The following ZNF385D variants were observed in gnomAD, a reference collection of about 807,000 sequenced individuals.
ZNF385D encodes the protein zinc finger protein 659.
A neutral mutation model predicts 35.8 loss-of-function variants in ZNF385D; 15 were observed. That is an observed-to-expected ratio of 0.42 (90% CI 0.28 to 0.64). The LOEUF is 0.64. Among genes scored for constraint, ZNF385D ranks in the 30% least tolerant of loss-of-function variants. The pLI, the probability that ZNF385D is intolerant of heterozygous loss-of-function variation, is 0.23. For missense variants in ZNF385D, 474 were observed against 494.6 expected (o/e 0.96, Z 0.39); for synonymous variants, 212 against 186.8 (o/e 1.13, Z -1.10).
intron 4 of ZNF385D, among the ~76,000 whole-genome samples, chr3:21,471,282 C>T (rs982338234): frequency 4.2e-5 from 1 of 23,744 alleles, no homozygotes; most frequent in African/African-American, 1.2e-4. Context: ...CTTTCTCTCT[C>T]TCTCTCTCTC....
chr3:21,665,377 T>C (rs1370607199), intron 1 of ZNF385D, among the ~76,000 whole-genome samples: 2 of 152,112 alleles, frequency 1.3e-5, no homozygotes, highest in Admixed American at 6.5e-5. Context: ...CCCTCCATCA[T>C]GCACCCATCC....
At chr3:21,591,185 A>C (rs532847183) in intron 2 of ZNF385D, among the ~76,000 whole-genome samples, 2 of 152,282 alleles carry the variant, frequency 1.3e-5, no homozygotes, top group Non-Finnish European at 2.9e-5. Context: ...GACAGACCAC[A>C]TCTCAAAACA....
chr3:21,869,886 T>C (rs1362935577), intron 3 of ZNF385D, among the ~76,000 whole-genome samples: 1 of 152,020 alleles, frequency 6.6e-6, no homozygotes, highest in Non-Finnish European at 1.5e-5. Flanking sequence ...AACATAGAAT[T>C]GCAAATTAAC....
intron 2 of ZNF385D, among the ~76,000 whole-genome samples, chr3:22,274,688 T>C (rs1050443626): frequency 1.3e-5 from 2 of 151,926 alleles, no homozygotes; most frequent in African/African-American, 2.4e-5. Flanking sequence ...AGAAGTAAAA[T>C]AGGTTTGAAT....
chr3:22,342,229 A>C (rs939322809), intron 2 of ZNF385D, among the ~76,000 whole-genome samples: 2 of 144,572 alleles, frequency 1.4e-5, no homozygotes, highest in Admixed American at 1.4e-4. Context: ...GTGAGCCGAG[A>C]TAGCCCCATT....
rs553392780 is a variant in ZNF385D, at chr3:22,240,398, C to T, written c.107-71363G>A. Among the ~76,000 whole-genome samples the T allele has an allele frequency of 2.0e-5, 3 of 151,056 alleles. 1 individual carries two copies. In the South Asian group the frequency reaches 6.5e-4, roughly 33 times the overall value. On this transcript the variant is annotated intron_variant, in intron 2 of 5. Coordinates refer to the ZNF385D transcript ENST00000494108. The stretch of plus-strand genomic sequence containing the variant: ...GTATCTCCCTCTCACTATCTTCTTC[C>T]TGCCCTTTTGTTAATTATTTTCTCA...
intron 2 of ZNF385D, among the ~76,000 whole-genome samples, chr3:21,640,107 C>A (rs2065559593): frequency 6.6e-6 from 1 of 151,890 alleles, no homozygotes; most frequent in Non-Finnish European, 1.5e-5. Context: ...TTATTCTTTT[C>A]TTTTCCAAGT....
chr3:21,821,311 C>A (rs1694209949), intron 3 of ZNF385D, among the ~76,000 whole-genome samples: 1 of 152,040 alleles, frequency 6.6e-6, no homozygotes. Context: ...AATAAATTGT[C>A]CTTATCTCAA....
intron 3 of ZNF385D, among the ~76,000 whole-genome samples, chr3:21,975,036 C>T (rs956268792): frequency 1.3e-5 from 2 of 152,172 alleles, no homozygotes; most frequent in South Asian, 2.1e-4. Context: ...AAAAATAGAA[C>T]TGCCATACAA....
chr3:21,639,154 T>C (rs751356733), intron 2 of ZNF385D, among the ~76,000 whole-genome samples: 3 of 152,076 alleles, frequency 2.0e-5, no homozygotes, highest in South Asian at 2.1e-4. Context: ...AAAAAGCATA[T>C]AGAAATATAC....
intron 3 of ZNF385D, among the ~76,000 whole-genome samples, chr3:22,161,720 C>T (rs528144259): frequency 1.2e-4 from 19 of 152,124 alleles, no homozygotes; most frequent in Admixed American, 2.6e-4. Context: ...CTATTTTATT[C>T]GGCACAAAAT....
At chr3:22,166,611 G>C (rs1266990321) in intron 3 of ZNF385D, among the ~76,000 whole-genome samples, 2 of 152,192 alleles carry the variant, frequency 1.3e-5, no homozygotes, top group African/African-American at 4.8e-5. Context: ...ATAATAAAAT[G>C]TATATAAAGC....
At chr3:22,181,500 T>A (rs1408980166) in intron 2 of ZNF385D, among the ~76,000 whole-genome samples, 5 of 151,892 alleles carry the variant, frequency 3.3e-5, no homozygotes, top group Non-Finnish European at 7.4e-5. Flanking sequence ...ATCGAGACCA[T>A]GCTGGCGAAC....
intron 3 of ZNF385D, among the ~76,000 whole-genome samples, chr3:21,982,735 C>G (rs1015732791): frequency 6.6e-6 from 1 of 151,780 alleles, no homozygotes; most frequent in African/African-American, 2.4e-5. Context: ...ATAGATGGCT[C>G]TTATTATTTT....
intron 2 of ZNF385D, among the ~76,000 whole-genome samples, chr3:22,369,451 A>G (rs1318752777): frequency 6.6e-6 from 1 of 152,196 alleles, no homozygotes; most frequent in East Asian, 1.9e-4. Flanking sequence ...GTTAGCTACT[A>G]TAAAAACCTC....
intron 2 of ZNF385D, among the ~76,000 whole-genome samples, chr3:22,212,406 G>A (rs569469835): frequency 5.3e-5 from 8 of 151,992 alleles, no homozygotes; most frequent in Non-Finnish European, 1.2e-4. Context: ...GAAGATTGGA[G>A]GGCAAAAGAA....
intron 2 of ZNF385D, among the ~76,000 whole-genome samples, chr3:22,348,674 G>A (rs1388456478): frequency 2.0e-5 from 2 of 101,986 alleles, no homozygotes; most frequent in Admixed American, 1.3e-4. Context: ...TAGAAAGAAA[G>A]AAAGAAAGGA....
intron 3 of ZNF385D, among the ~76,000 whole-genome samples, chr3:22,113,074 A>C (rs1479152869): frequency 6.6e-6 from 1 of 152,104 alleles, no homozygotes; most frequent in Non-Finnish European, 1.5e-5. Flanking sequence ...GTGACAAATC[A>C]TTTACACATC....
intron 3 of ZNF385D, among the ~76,000 whole-genome samples, chr3:21,945,516 T>C (rs2125285149): frequency 6.6e-6 from 1 of 152,266 alleles, no homozygotes; most frequent in African/African-American, 2.4e-5. Flanking sequence ...AAAATAATAA[T>C]GCCTAGGGAG....
Sources: gnomAD v4.1 joint callset for allele counts (sites outside exome capture counted in the v4.1 genomes callset) on GRCh38, gnomAD v4.1.1 for gene constraint, MANE v1.5 for transcripts, NCBI Gene and HGNC (gene_info 2026-07-23, HGNC 2026-07-21) for gene names.